PPFIBP2: variants seen among roughly 807,000 people sequenced by gnomAD.
PPFIBP2 encodes the protein PPFIB scaffold protein 2, also known as liprin-beta-2.
A neutral mutation model predicts 118.3 loss-of-function variants in PPFIBP2; 118 were observed. The observed-to-expected ratio is 1.00, with a 90% CI of 0.86 to 1.16. The LOEUF is 1.16. PPFIBP2 is among the 50% of genes most tolerant of loss of function. The pLI is 0.00. For synonymous variants in PPFIBP2, 414 were observed against 397.4 expected (o/e 1.04, Z -0.50); for missense variants, 1,195 against 1,073.1 (o/e 1.11, Z -1.59).
At chr11:7,635,442 G>T in intron 13 of PPFIBP2, 110 bp from the exon 14 acceptor site, 2 of 997,006 alleles carry the variant, frequency 2.0e-6, no homozygotes, top group East Asian at 2.4e-5. Context: ...TGGAGGGAGG[G>T]GATGCGCCTT....
chr11:7,634,519 T>G lies in PPFIBP2; in HGVS notation c.1161T>G (p.Ser387Arg). ...ETRAQKKLSC[S>R]LEDLRSESVD... ...GGGCTCAGAAAAAGCTCTCTTGTAG[T>G]CTAGAAGACTTGAGAAGTGAATCTG... Residue 387 changes from serine to arginine, a missense_variant, in exon 13 of 24, where the codon AGT becomes AGG. Physicochemically the swap from Ser to Arg is moderately radical, Grantham distance 110. Transcript: ENST00000299492. 1 of 1,613,392 alleles carries G rather than the reference T, an allele frequency of 6.2e-7. No individual in the cohort carries two copies. The highest frequency in any genetic ancestry group is 8.5e-7 in the Non-Finnish European group (1 of 1,179,328).
At chr11:7,584,715 C>T (rs946678124) in intron 3 of PPFIBP2, among the ~76,000 whole-genome samples, 5 of 152,166 alleles carry the variant, frequency 3.3e-5, no homozygotes, top group African/African-American at 1.2e-4. Context: ...TTGACTGTAG[C>T]TTTTGTGATC....
At chr11:7,568,520 C>T (rs1472777698) in intron 3 of PPFIBP2, among the ~76,000 whole-genome samples, 1 of 152,214 alleles carries the variant, frequency 6.6e-6, no homozygotes, top group Non-Finnish European at 1.5e-5. Flanking sequence ...TCCCATTTAG[C>T]TGCAGTGGCC....
chr11:7,666,649 C>G, the PPFIBP2 span: 1 of 766,372 alleles, frequency 1.3e-6, no homozygotes, highest in East Asian at 2.7e-5. Flanking sequence ...AAGCTGCCAC[C>G]ACTCCAGCTG....
the PPFIBP2 span, chr11:7,665,607 G>GCCGCCTGCACACCCACCCTC: frequency 6.6e-7 from 1 of 1,514,180 alleles, no homozygotes; most frequent in South Asian, 1.3e-5. Flanking sequence ...CTGATCCCAG[G>GCCGCCTGCACACCCACCCTC]CCGCCTGCAC....
intron 3 of PPFIBP2, among the ~76,000 whole-genome samples, chr11:7,587,128 C>G (rs1394992823): frequency 6.6e-6 from 1 of 152,136 alleles, no homozygotes; most frequent in African/African-American, 2.4e-5. Context: ...CCTTTTTGCT[C>G]TACATGGGAA....
intron 3 of PPFIBP2, among the ~76,000 whole-genome samples, chr11:7,584,929 G>C (rs1220773556): frequency 6.6e-6 from 1 of 152,132 alleles, no homozygotes; most frequent in Non-Finnish European, 1.5e-5. Context: ...AGATCCTCTT[G>C]ACTAGGCAGC....
At chr11:7,635,052 G>T (rs1342542148) in intron 13 of PPFIBP2, among the ~76,000 whole-genome samples, 1 of 152,190 alleles carries the variant, frequency 6.6e-6, no homozygotes, top group Non-Finnish European at 1.5e-5. Flanking sequence ...GAAAGATGGA[G>T]GAGGGTCTTG....
chr11:7,609,977 T>G (rs562831060), intron 5 of PPFIBP2, among the ~76,000 whole-genome samples: 1 of 152,342 alleles, frequency 6.6e-6, no homozygotes, highest in South Asian at 2.1e-4. Context: ...AGAAATTTCG[T>G]TCTTTGAAAG....
At position 7,558,165 on chromosome 11, in the gene PPFIBP2, C is replaced by G. The variant is rs78099677; in HGVS notation, c.65-7388C>G. 7.5e-3 allele frequency among the ~76,000 whole-genome samples: 1,138 copies of G among 152,326 alleles called. 12 individuals are homozygous for G. The highest frequency in any genetic ancestry group is 0.026 in the African/African-American group (1,092 of 41,566). ...GTACACATTGCAAGTTCCCTGAGAT[C>G]TGCCAAGAGCTCTGGTCCTTGTCAT... On this transcript the variant is annotated intron_variant, in intron 2 of 23. Coordinates refer to ENST00000299492, the MANE Select transcript of PPFIBP2 (RefSeq NM_003621.5).
intron 2 of PPFIBP2, among the ~76,000 whole-genome samples, chr11:7,557,774 G>C (rs1853807369): frequency 6.6e-6 from 1 of 152,154 alleles, no homozygotes; most frequent in East Asian, 1.9e-4. Context: ...TGGGGATGCA[G>C]ATTCATATTT....
intron 12 of PPFIBP2, among the ~76,000 whole-genome samples, chr11:7,633,150 T>A (rs369252157): frequency 1.3e-5 from 2 of 152,250 alleles, no homozygotes; most frequent in African/African-American, 4.8e-5. Context: ...TCATTGTCAC[T>A]GAGAAAGGAT....
chr11:7,644,286 T>C (rs532930738), intron 17 of PPFIBP2, among the ~76,000 whole-genome samples: 4 of 152,258 alleles, frequency 2.6e-5, no homozygotes, highest in Non-Finnish European at 5.9e-5. Context: ...TCATCCACTT[T>C]GTGAATTCTT....
chr11:7,563,656 T>A (rs928339560), intron 2 of PPFIBP2, among the ~76,000 whole-genome samples: 4 of 152,206 alleles, frequency 2.6e-5, no homozygotes, highest in African/African-American at 7.2e-5. Flanking sequence ...AGTAGAGTCC[T>A]AATTTCAAAT....
intron 1 of PPFIBP2, among the ~76,000 whole-genome samples, chr11:7,541,532 C>T (rs752246049): frequency 2.6e-5 from 4 of 152,198 alleles, no homozygotes; most frequent in African/African-American, 9.6e-5. Flanking sequence ...GGCTGCTCCT[C>T]CTGTCTCCTT....
In PPFIBP2 at chr11:7,554,135, A is replaced by T. The variant is rs567978295; in HGVS notation, c.64+4596A>T. Among the ~76,000 whole-genome samples, 82 of 152,314 alleles carry T rather than the reference A, an allele frequency of 5.4e-4. 1 individual carries two copies. Among genetic ancestry groups the T allele is most frequent in the Non-Finnish European group, 1.1e-3 (72 of 68,034 alleles). ...TCTCTTATTAATTTTAGATTGCATG[A>T]TGTCAAGTAGTGCCACCACCACTGC... On this transcript the variant is annotated intron_variant, in intron 2 of 23. Transcript: ENST00000299492.
chr11:7,555,494 C>T (rs1853500760), intron 2 of PPFIBP2, among the ~76,000 whole-genome samples: 1 of 152,212 alleles, frequency 6.6e-6, no homozygotes, highest in African/African-American at 2.4e-5. Context: ...AGTCCATACT[C>T]TGAACAGTCC....
chr11:7,630,858 T>C (rs1850660390), intron 10 of PPFIBP2, 67 bp from the exon 11 acceptor site: 1 of 1,100,806 alleles, frequency 9.1e-7, no homozygotes, highest in African/African-American at 1.5e-5. Flanking sequence ...GTTAGAATTT[T>C]GTGGTACGAT....
At chr11:7,649,088 G>A in intron 19 of PPFIBP2, 59 bp from the exon 20 acceptor site, 1 of 1,509,784 alleles carries the variant, frequency 6.6e-7, no homozygotes, top group Non-Finnish European at 9.1e-7. Flanking sequence ...CCTTTTTTTG[G>A]TGTCTACATT....
Sources: allele counts gnomAD v4.1 joint callset (sites outside exome capture counted in the v4.1 genomes callset), GRCh38; gene constraint gnomAD v4.1.1; transcripts MANE v1.5; gene names NCBI Gene and HGNC (gene_info 2026-07-23, HGNC 2026-07-21).